Variants in IFT57 observed in about 807,000 individuals in gnomAD.
IFT57 encodes intraflagellar transport protein 57 homolog.
IFT57 carries 59 observed loss-of-function variants against 56.8 expected under a neutral mutation model. The ratio of observed to expected loss-of-function variants is 1.04; its 90% CI spans 0.84 to 1.29. The LOEUF is 1.29. Among genes scored for constraint, IFT57 ranks in the 50% most tolerant of loss-of-function variants. The pLI, the probability that IFT57 is intolerant of heterozygous loss-of-function variation, is 0.00. For missense variants in IFT57, 470 were observed against 522.1 expected (o/e 0.90, Z 0.97); for synonymous variants, 209 against 186.1 (o/e 1.12, Z -1.00).
At chr3:108,181,586 T>C (rs1459011384) in intron 6 of IFT57, among the ~76,000 whole-genome samples, 1 of 152,106 alleles carries the variant, frequency 6.6e-6, no homozygotes, top group Admixed American at 6.6e-5. Flanking sequence ...TCTAGTTAAT[T>C]TAGGCAGTTT....
At position 108,174,278 on chromosome 3, in the gene IFT57, ATATCTT is replaced by A. The variant is rs62877760; in HGVS notation, c.778-6420_778-6415del. 4.1e-3 allele frequency among the ~76,000 whole-genome samples: 620 copies of A among 151,838 alleles called. 5 individuals are homozygous for A. Among genetic ancestry groups the A allele is most frequent in the African/African-American group, 0.014 (587 of 41,488 alleles). ...ACATGAATATAAAAAGGCAAAATATATATCTTTTGAAAAACTATTAACATAACTGCG... is the reference window on the plus strand; with the variant it reads ...ACATGAATATAAAAAGGCAAAATATATTGAAAAACTATTAACATAACTGCG... On this transcript the variant is annotated intron_variant, in intron 6 of 10. Transcript: ENST00000264538.
intron 6 of IFT57, among the ~76,000 whole-genome samples, chr3:108,175,874 T>C (rs1232337773): frequency 6.6e-6 from 1 of 151,686 alleles, no homozygotes; most frequent in Non-Finnish European, 1.5e-5. Context: ...AAAAAAGCCA[T>C]GGAAGTCACC....
intron 6 of IFT57, among the ~76,000 whole-genome samples, chr3:108,173,349 C>T (rs1160365646): frequency 6.6e-6 from 1 of 151,726 alleles, no homozygotes; most frequent in Non-Finnish European, 1.5e-5. Context: ...CAGCTAACTT[C>T]AGGTGGTAAT....
intron 6 of IFT57, among the ~76,000 whole-genome samples, chr3:108,169,517 T>C (rs1417013833): frequency 1.3e-5 from 2 of 152,052 alleles, no homozygotes; most frequent in African/African-American, 2.4e-5. Flanking sequence ...ATTTTGACTT[T>C]TGTTGCCATT....
At chr3:108,186,336 A>AAAG (rs2080181880) in intron 6 of IFT57, among the ~76,000 whole-genome samples, 1 of 150,226 alleles carries the variant, frequency 6.7e-6, no homozygotes, top group Non-Finnish European at 1.5e-5. Flanking sequence ...AAAAAAAAAA[A>AAAG]TGTTGGTGGG....
At chr3:108,204,161 A>T (rs916255213) in intron 5 of IFT57, among the ~76,000 whole-genome samples, 3 of 152,214 alleles carry the variant, frequency 2.0e-5, no homozygotes, top group South Asian at 2.1e-4. Context: ...AGATGGCTTT[A>T]GTGGGCAATA....
Position 108,166,986 on chromosome 3 carries a change from C to G in IFT57, c.850-1G>C. ...CATTATGGAGTTTGTCCAAAAATCCCTAGAAATTCCATGGAATTTGCAGAT... is the reference window on the plus strand; with the variant it reads ...CATTATGGAGTTTGTCCAAAAATCCGTAGAAATTCCATGGAATTTGCAGAT... On this transcript the variant is annotated splice_acceptor_variant, in intron 7 of 10. Transcript: ENST00000264538. LOFTEE classifies it high-confidence loss of function. 1 of 1,602,236 alleles carries G rather than the reference C, an allele frequency of 6.2e-7. No homozygotes were observed. The highest frequency in any genetic ancestry group is 8.5e-7 in the Non-Finnish European group (1 of 1,175,006).
At chr3:108,208,805 G>A (rs1426297070) in intron 4 of IFT57, among the ~76,000 whole-genome samples, 1 of 152,182 alleles carries the variant, frequency 6.6e-6, no homozygotes, top group Non-Finnish European at 1.5e-5. Context: ...GGCAATTACT[G>A]TACTGGCTGG....
At chr3:108,187,721 C>A (rs976837514) in intron 6 of IFT57, among the ~76,000 whole-genome samples, 1 of 151,912 alleles carries the variant, frequency 6.6e-6, no homozygotes, top group African/African-American at 2.4e-5. Context: ...TTATTTACTA[C>A]CAAATTTAAA....
chr3:108,202,132 T>C (rs62267876), intron 5 of IFT57, among the ~76,000 whole-genome samples: 13,928 of 152,282 alleles, frequency 0.091, 702 homozygotes, highest in Middle Eastern at 0.12. Context: ...GTGATGGGCA[T>C]TTAAAAATAG....
intron 2 of IFT57, among the ~76,000 whole-genome samples, chr3:108,219,075 C>T (rs2107223515): frequency 6.6e-6 from 1 of 151,798 alleles, no homozygotes; most frequent in Admixed American, 6.6e-5. Context: ...GTCTTAAGTA[C>T]AAGTTCCCTT....
chr3:108,171,564 A>G (rs759380482), intron 6 of IFT57, among the ~76,000 whole-genome samples: 3 of 151,806 alleles, frequency 2.0e-5, no homozygotes, highest in East Asian at 1.9e-4. Flanking sequence ...TTTTCATTTT[A>G]TAGTTGAGGG....
chr3:108,212,628 C>G (rs1338339927), intron 4 of IFT57, among the ~76,000 whole-genome samples: 1 of 152,092 alleles, frequency 6.6e-6, no homozygotes, highest in African/African-American at 2.4e-5. Context: ...TCCTTTACAG[C>G]AACACAAAAT....
intron 4 of IFT57, among the ~76,000 whole-genome samples, chr3:108,213,496 T>G (rs1378497954): frequency 6.6e-6 from 1 of 152,212 alleles, no homozygotes; most frequent in Non-Finnish European, 1.5e-5. Context: ...ATGTTGATCA[T>G]TTAAAAGCAT....
At position 108,222,107 on chromosome 3, in the gene IFT57, C is replaced by T. The variant is rs558067357; in HGVS notation, c.212+4G>A. 1.7e-4 allele frequency: 273 copies of T among 1,593,966 alleles called. No homozygotes were observed. The South Asian group carries it at 3.0e-3, about 17-fold the overall frequency. On this transcript the variant is annotated splice_donor_region_variant and intron_variant, in intron 1 of 10. Transcript: ENST00000264538. ...CCCGGGCGCTCGGGGACGCCGGCAC[C>T]CACCTGGACGGGGCCTTCAGGTTGC... is the stretch of plus-strand genomic sequence containing the variant.
chr3:108,176,552 C>A (rs1431206552), intron 6 of IFT57, among the ~76,000 whole-genome samples: 4 of 151,840 alleles, frequency 2.6e-5, no homozygotes, highest in Admixed American at 2.0e-4. Flanking sequence ...TGTTTATTAT[C>A]CTGGTCGTTT....
At chr3:108,194,418 C>T (rs542107472) in intron 5 of IFT57, among the ~76,000 whole-genome samples, 102 of 152,118 alleles carry the variant, frequency 6.7e-4, no homozygotes, top group Middle Eastern at 3.4e-3. Flanking sequence ...GTCCATACTA[C>T]CCAAAGCAAT....
chr3:108,167,883 T>A lies in IFT57; in HGVS notation c.778-19A>T. On this transcript the variant is annotated intron_variant, in intron 6 of 10. Transcript: ENST00000264538. Reference sequence around the variant, plus strand: ...TCCAATCCTACAGGCATAGAGCACATAGAAATAATGTAAAAAATACTACAT... The same window carrying A: ...TCCAATCCTACAGGCATAGAGCACAAAGAAATAATGTAAAAAATACTACAT... 1.3e-6 allele frequency: 2 copies of A among 1,540,962 alleles called. No individual in the cohort carries two copies. The highest frequency in any genetic ancestry group is 1.8e-6 in the Non-Finnish European group (2 of 1,139,968).
chr3:108,178,181 G>A (rs2080134062), intron 6 of IFT57, among the ~76,000 whole-genome samples: 1 of 151,830 alleles, frequency 6.6e-6, no homozygotes, highest in Admixed American at 6.6e-5. Flanking sequence ...CAGTGTACTG[G>A]TGAAAGAATA....
Sources: gnomAD v4.1 joint callset for allele counts (sites outside exome capture counted in the v4.1 genomes callset) on GRCh38, gnomAD v4.1.1 for gene constraint, MANE v1.5 for transcripts, NCBI Gene and HGNC (gene_info 2026-07-23, HGNC 2026-07-21) for gene names.